HDHD2: variants seen among roughly 807,000 people sequenced by gnomAD.
The protein encoded by HDHD2 is haloacid dehalogenase-like hydrolase domain-containing protein 2.
Under a neutral mutation model 24.8 loss-of-function variants are expected in HDHD2, and 26 were observed. The observed-to-expected ratio is 1.05, with a 90% CI of 0.77 to 1.45. The LOEUF is 1.45. Among genes scored for constraint, HDHD2 ranks in the 40% most tolerant of loss-of-function variants. HDHD2 has a pLI of 0.00. For synonymous variants in HDHD2, 128 were observed against 114.9 expected, an observed-to-expected ratio of 1.11 and a Z score of -0.73; for missense variants, 299 against 313.4, an observed-to-expected ratio of 0.95 and a Z score of 0.35.
At chr18:47,119,340 G>T (rs2063584492) in intron 4 of HDHD2, among the ~76,000 whole-genome samples, 1 of 152,206 alleles carries the variant, frequency 6.6e-6, no homozygotes, top group Non-Finnish European at 1.5e-5. Flanking sequence ...ATCCTCTCAA[G>T]CCCTTCTGCT....
intron 1 of HDHD2, among the ~76,000 whole-genome samples, chr18:47,139,942 A>C (rs900267033): frequency 1.3e-5 from 2 of 152,176 alleles, no homozygotes; most frequent in Non-Finnish European, 2.9e-5. Flanking sequence ...CTCATCCCCA[A>C]CTTAAGAACA....
chr18:47,133,086 G>A (rs899039017), intron 3 of HDHD2, among the ~76,000 whole-genome samples: 8 of 152,176 alleles, frequency 5.3e-5, no homozygotes, highest in African/African-American at 1.4e-4. Context: ...ATGTTGGTGT[G>A]CTGCACCCAT....
intron 4 of HDHD2, among the ~76,000 whole-genome samples, chr18:47,125,136 T>C (rs2063645775): frequency 6.6e-6 from 1 of 151,996 alleles, no homozygotes; most frequent in Non-Finnish European, 1.5e-5. Context: ...CACTCTAGCC[T>C]GGGTGACAGA....
chr18:47,120,793 G>A (rs2144306401), intron 4 of HDHD2, among the ~76,000 whole-genome samples: 1 of 152,198 alleles, frequency 6.6e-6, no homozygotes, highest in South Asian at 2.1e-4. Context: ...CCTAATCTGA[G>A]CATCATTGTG....
At chr18:47,132,570 T>C (rs2144346359) in intron 3 of HDHD2, among the ~76,000 whole-genome samples, 1 of 152,358 alleles carries the variant, frequency 6.6e-6, no homozygotes, top group East Asian at 1.9e-4. Context: ...AAATTTATTT[T>C]CTGTTTAATT....
chr18:47,144,238 T>C (rs891633178), intron 1 of HDHD2, among the ~76,000 whole-genome samples: 3 of 152,156 alleles, frequency 2.0e-5, no homozygotes, highest in Non-Finnish European at 4.4e-5. Context: ...AAGTTATCTT[T>C]TTCCCCATGG....
In HDHD2 at chr18:47,136,664, C is replaced by A. The variant is rs796913720; in HGVS notation, c.-10-215G>T. On this transcript the variant is annotated intron_variant, in intron 1 of 6. Coordinates refer to ENST00000300605, the MANE Select transcript of HDHD2 (RefSeq NM_032124.5). ...TAGGTTTTTTTTTAAAAAAAAAAAA[C>A]ACTTGAATTAAAACTATAGGAAGCA... is the stretch of plus-strand genomic sequence containing the variant. 9.0e-5 allele frequency among the ~76,000 whole-genome samples: 13 copies of A among 144,374 alleles called. No homozygotes were observed. The East Asian group carries it at 1.2e-3, about 14-fold the overall frequency. The allele number at this position is 144,374 out of a possible 152,430, so 94.7% of individuals were successfully genotyped here. A position where few individuals can be genotyped will look rare whatever the true frequency, so the allele number is the denominator to read the frequency against.
At chr18:47,134,770 A>G in intron 2 of HDHD2, 66 bp from the exon 3 acceptor site, 1 of 1,319,210 alleles carries the variant, frequency 7.6e-7, no homozygotes, top group Non-Finnish European at 1.1e-6. Flanking sequence ...AAATCTCCTA[A>G]TTTGTTAAAA....
At chr18:47,132,884 C>T (rs1039926922) in intron 3 of HDHD2, among the ~76,000 whole-genome samples, 6 of 152,172 alleles carry the variant, frequency 3.9e-5, no homozygotes, top group Non-Finnish European at 8.8e-5. Flanking sequence ...AGAATAACAT[C>T]TACTTTAAAC....
intron 3 of HDHD2, among the ~76,000 whole-genome samples, chr18:47,130,759 G>A (rs1365303701): frequency 6.6e-6 from 1 of 152,136 alleles, no homozygotes; most frequent in Non-Finnish European, 1.5e-5. Flanking sequence ...AGAGGCAAGG[G>A]AAATTAGACT....
intron 4 of HDHD2, among the ~76,000 whole-genome samples, chr18:47,127,037 T>G (rs1361618908): frequency 6.6e-6 from 1 of 152,046 alleles, no homozygotes; most frequent in Non-Finnish European, 1.5e-5. Context: ...GGTGGGCACC[T>G]GTAGTCCCAG....
At chr18:47,110,335 C>T (rs2063505709) in intron 6 of HDHD2, 2 of 984,812 alleles carry the variant, frequency 2.0e-6, no homozygotes, top group Non-Finnish European at 2.4e-6. Flanking sequence ...TCGTTAGCAC[C>T]CTGAAGGCAC....
At chr18:47,149,616 CT>C (rs1411208810) in intron 1 of HDHD2, among the ~76,000 whole-genome samples, 3 of 152,148 alleles carry the variant, frequency 2.0e-5, no homozygotes, top group Non-Finnish European at 2.9e-5. Flanking sequence ...CGTTGCGGGA[CT>C]TTTGTCTGCA....
chr18:47,118,724 C>T (rs186859584), intron 4 of HDHD2, among the ~76,000 whole-genome samples: 5 of 152,156 alleles, frequency 3.3e-5, no homozygotes, highest in African/African-American at 7.2e-5. Flanking sequence ...ACTTGTACCC[C>T]GGAATTTAAA....
chr18:47,149,740 CAG>C (rs2063910951), intron 1 of HDHD2, among the ~76,000 whole-genome samples: 1 of 152,168 alleles, frequency 6.6e-6, no homozygotes, highest in African/African-American at 2.4e-5. Flanking sequence ...CCTTTTCTCC[CAG>C]AGTTAGGCTA....
intron 1 of HDHD2, among the ~76,000 whole-genome samples, chr18:47,149,727 A>C (rs1012703537): frequency 6.6e-6 from 1 of 151,502 alleles, no homozygotes; most frequent in African/African-American, 2.4e-5. Context: ...TCTGGGTCCA[A>C]CTCCTTTTCT....
chr18:47,135,258 C>CTTTTTTTTTTTTTTTTTTT (rs904719955), intron 2 of HDHD2, among the ~76,000 whole-genome samples: 1 of 128,330 alleles, frequency 7.8e-6, no homozygotes, highest in Non-Finnish European at 1.7e-5. Flanking sequence ...TAGATTTTTT[C>CTTTTTTTTTTTTTTTTTTT]TTTTTTTTTT....
intron 4 of HDHD2, among the ~76,000 whole-genome samples, chr18:47,121,685 A>G (rs1352305869): frequency 1.3e-5 from 2 of 152,198 alleles, no homozygotes; most frequent in Non-Finnish European, 2.9e-5. Context: ...TCCTTAGCAC[A>G]GTCTCGAAAG....
chr18:47,115,405 G>T, intron 4 of HDHD2, 57 bp from the exon 5 acceptor site: 1 of 1,243,968 alleles, frequency 8.0e-7, no homozygotes, highest in Non-Finnish European at 1.2e-6. Context: ...TTTTATGACT[G>T]GGAACGAATG....
Sources: gnomAD v4.1 joint callset for allele counts (sites outside exome capture counted in the v4.1 genomes callset) on GRCh38, gnomAD v4.1.1 for gene constraint, MANE v1.5 for transcripts, NCBI Gene and HGNC (gene_info 2026-07-23, HGNC 2026-07-21) for gene names.